TJP2: variants seen among roughly 807,000 people sequenced by gnomAD.
TJP2 encodes the protein Friedreich ataxia region gene X104 (tight junction protein ZO-2).
A neutral mutation model predicts 133.1 loss-of-function variants in TJP2; 91 were observed. The ratio of observed to expected loss-of-function variants is 0.68; its 90% CI spans 0.58 to 0.81. TJP2 has a LOEUF of 0.81. Among genes scored for constraint, TJP2 ranks in the 40% least tolerant of loss-of-function variants. The probability of loss-of-function intolerance (pLI) is 0.00; values close to 1 mark genes in which losing one functional copy is unlikely to be tolerated. For missense variants in TJP2, 1,541 were observed against 1,565.6 expected (o/e 0.98, Z 0.26); for synonymous variants, 592 against 583.4 (o/e 1.01, Z -0.21).
chr9:69,210,543 G>A (rs1201682392), intron 1 of TJP2, among the ~76,000 whole-genome samples: 2 of 151,984 alleles, frequency 1.3e-5, no homozygotes, highest in Admixed American at 6.6e-5. Context: ...TTAAGTAATT[G>A]GGGAGTTTTA....
At chr9:69,218,681 T>G in intron 4 of TJP2, 1 of 372,224 alleles carries the variant, frequency 2.7e-6, no homozygotes, top group South Asian at 2.3e-5. Flanking sequence ...AACTTTCAGC[T>G]CAAAAACTCA....
chr9:69,222,653 G>A (rs1443404414), intron 5 of TJP2, among the ~76,000 whole-genome samples: 1 of 152,176 alleles, frequency 6.6e-6, no homozygotes, highest in Non-Finnish European at 1.5e-5. Context: ...ATCATTGGAA[G>A]AGCCAGGCTT....
chr9:69,150,822 A>G (rs1020456394), intron 1 of TJP2, among the ~76,000 whole-genome samples: 1 of 152,230 alleles, frequency 6.6e-6, no homozygotes, highest in Non-Finnish European at 1.5e-5. Flanking sequence ...ACAATTGTAC[A>G]CAAGTGTTCA....
In TJP2 at chr9:69,248,053, C is replaced by G; in HGVS notation, c.2709C>G (p.Tyr903Ter). The change falls in exon 19 of 23, where the codon TAC becomes TAG. Residue 903 changes from tyrosine (Y) to a stop codon, truncating the protein, a stop_gained. Transcript: ENST00000377245. LOFTEE classifies it high-confidence loss of function. ...ATGACCCCGAAGACCGCATGTCCTACTTAACCGCCATGGGCGCGGACTATC... is the reference window on the plus strand; with the variant it reads ...ATGACCCCGAAGACCGCATGTCCTAGTTAACCGCCATGGGCGCGGACTATC... ...MDDDPEDRMS[Y>*]LTAMGADYLS... 6.2e-7 allele frequency: 1 copy of G among 1,613,888 alleles called. No individual in the cohort carries two copies. Among genetic ancestry groups the G allele is most frequent in the Non-Finnish European group, 8.5e-7 (1 of 1,179,866 alleles).
At chr9:69,166,876 G>T (rs1016440425) in intron 2 of TJP2, among the ~76,000 whole-genome samples, 3 of 152,238 alleles carry the variant, frequency 2.0e-5, no homozygotes, top group Middle Eastern at 3.2e-3. Context: ...GTTGGAGGCT[G>T]CTGTGAGCTA....
In TJP2 at chr9:69,221,263, G is replaced by T. The variant is rs1223253694; in HGVS notation, c.719G>T (p.Ser240Ile). The T allele has an allele frequency of 1.2e-6, 2 of 1,608,264 alleles. No individual in the cohort carries two copies. The highest frequency in any genetic ancestry group is 4.5e-5 in the East Asian group (2 of 44,610). The change falls in exon 5 of 23, where the codon AGC (serine) becomes ATC (isoleucine). Residue 240 changes from serine (S) to isoleucine (I), a missense_variant. Transcript: ENST00000377245. ...GPSRDRDRDRSRGRSIDQDYE... is the reference protein window; with the variant it reads ...GPSRDRDRDRIRGRSIDQDYE... The stretch of plus-strand genomic sequence containing the variant: ...TCCCGGGACCGGGACCGTGACCGCA[G>T]CCGCGGCCGGAGCATTGACCAGGAC...
Position 69,248,226 on chromosome 9 carries a change from TGAGGC to T in TJP2, c.2880+8_2880+12del, listed in dbSNP as rs1217256386. 2 of 1,590,756 alleles carry T rather than the reference TGAGGC, an allele frequency of 1.3e-6. No individual in the cohort carries two copies. Among genetic ancestry groups the T allele is most frequent in the Non-Finnish European group, 1.7e-6 (2 of 1,167,470 alleles). On this transcript the variant is annotated splice_donor_5th_base_variant and intron_variant, in intron 19 of 22. Coordinates refer to ENST00000377245, the MANE Select transcript of TJP2 (RefSeq NM_004817.4). ...TCGGAGCCGGTGCAGCACGAGGAGG[TGAGGC>T]GAGGCAGGCCACGGGCAGGAACAGG...
chr9:69,243,932 C>G (rs1482835241), intron 17 of TJP2, among the ~76,000 whole-genome samples: 1 of 152,174 alleles, frequency 6.6e-6, no homozygotes, highest in Middle Eastern at 3.4e-3. Flanking sequence ...CCTGTAAATC[C>G]CAGCACATTG....
rs772019223 is a variant in TJP2 at position 69,204,736 on chromosome 9, C to CGT, written c.61-7799_61-7798dup. ...ACATTGCTAGTTTATTTCTAGCTGGCGTGTGTGTGTGTGTATCAGAGGGTC... is the reference window on the plus strand; with the variant it reads ...ACATTGCTAGTTTATTTCTAGCTGGCGTGTGTGTGTGTGTGTATCAGAGGGTC... On this transcript the variant is annotated intron_variant, in intron 1 of 22. Transcript: ENST00000377245. The CGT allele has an allele frequency of 1.1e-4, 78 of 738,408 alleles. No homozygotes were observed. The South Asian group carries it at 1.4e-3, about 13-fold the overall frequency. The allele number at this position is 738,408 out of a possible 1,614,324, so 45.7% of individuals were successfully genotyped here.
intron 3 of TJP2, among the ~76,000 whole-genome samples, chr9:69,217,137 C>A (rs1263558986): frequency 6.6e-6 from 1 of 152,000 alleles, no homozygotes; most frequent in Non-Finnish European, 1.5e-5. Context: ...ATTACAGGTG[C>A]CTGCCACCAC....
intron 1 of TJP2, among the ~76,000 whole-genome samples, chr9:69,131,961 G>A (rs1822513737): frequency 6.6e-6 from 1 of 152,210 alleles, no homozygotes; most frequent in Admixed American, 6.6e-5. Flanking sequence ...ATGGCTCAAA[G>A]ATGCAAAGCA....
At chr9:69,142,514 CA>C (rs1220121754) in intron 1 of TJP2, among the ~76,000 whole-genome samples, 1 of 151,918 alleles carries the variant, frequency 6.6e-6, no homozygotes, top group Non-Finnish European at 1.5e-5. Flanking sequence ...AAAGCAAAAA[CA>C]AAAAAATTGC....
chr9:69,238,086 G>C, intron 15 of TJP2, 113 bp downstream of exon 15: 2 of 761,934 alleles, frequency 2.6e-6, no homozygotes, highest in South Asian at 1.5e-5. Flanking sequence ...ATCACCAGTT[G>C]CTGACATTTT....
chr9:69,152,817 C>CTTTTTTTTTTTTTTTTTT lies in TJP2; in HGVS notation c.-10+1060_-10+1077dup, dbSNP rs10543289. Among the ~76,000 whole-genome samples, 2 of 47,996 alleles carry CTTTTTTTTTTTTTTTTTT rather than the reference C, an allele frequency of 4.2e-5. 1 individual carries two copies. Among genetic ancestry groups the CTTTTTTTTTTTTTTTTTT allele is most frequent in the Non-Finnish European group, 7.9e-5 (2 of 25,216 alleles). The allele number at this position is 47,996 out of a possible 152,430, so 31.5% of individuals were successfully genotyped here. ...TTACTGAAATGTTCTCTCTGGAGCTCTTTTTTTTTTTTTTTTTTTTTTTTT... is the reference window on the plus strand; with the variant it reads ...TTACTGAAATGTTCTCTCTGGAGCTCTTTTTTTTTTTTTTTTTTTTTTTTTTTTTTTTTTTTTTTTTTT... On this transcript the variant is annotated intron_variant, in intron 2 of 5. Coordinates refer to the TJP2 transcript ENST00000423935.
At chr9:69,213,287 T>C (rs1828081910) in intron 2 of TJP2, among the ~76,000 whole-genome samples, 1 of 152,170 alleles carries the variant, frequency 6.6e-6, no homozygotes, top group African/African-American at 2.4e-5. Flanking sequence ...GGTCTCGAAC[T>C]CCTGACCTCA....
intron 1 of TJP2, among the ~76,000 whole-genome samples, chr9:69,146,636 A>G (rs1823223019): frequency 6.6e-6 from 1 of 152,226 alleles, no homozygotes; most frequent in Admixed American, 6.5e-5. Flanking sequence ...TATCTCCCCA[A>G]GAGAACTACT....
At chr9:69,237,248 A>G (rs946825587) in intron 14 of TJP2, 112 bp downstream of exon 14, 1 of 1,302,188 alleles carries the variant, frequency 7.7e-7, no homozygotes, top group Admixed American at 1.8e-5. Context: ...GTTATGCCAA[A>G]GGCAGTTTAT....
intron 1 of TJP2, among the ~76,000 whole-genome samples, chr9:69,145,393 T>G (rs1263639356): frequency 2.0e-5 from 3 of 152,230 alleles, no homozygotes; most frequent in African/African-American, 7.2e-5. Flanking sequence ...CCTCAAAGAT[T>G]TATGTGCGGA....
chr9:69,217,595 T>A (rs1828487485), intron 3 of TJP2, among the ~76,000 whole-genome samples: 1 of 152,090 alleles, frequency 6.6e-6, no homozygotes, highest in Admixed American at 6.6e-5. Context: ...GGTGAGAGAA[T>A]CCTTTGAGCT....
Sources: allele counts gnomAD v4.1 joint callset (sites outside exome capture counted in the v4.1 genomes callset), GRCh38; gene constraint gnomAD v4.1.1; transcripts MANE v1.5; gene names NCBI Gene and HGNC (gene_info 2026-07-23, HGNC 2026-07-21).